FHIT: variants seen among roughly 807,000 people sequenced by gnomAD.
The protein encoded by FHIT is bis(5'-adenosyl)-triphosphatase.
In FHIT, 19 loss-of-function variants were observed where a neutral mutation model predicts 17.9. The observed-to-expected ratio is 1.06, with a 90% CI of 0.74 to 1.56. FHIT has a LOEUF of 1.56. FHIT is among the 40% of genes most tolerant of loss of function. The probability of loss-of-function intolerance (pLI) is 0.00; values close to 1 mark genes in which losing one functional copy is unlikely to be tolerated. For missense variants in FHIT, 248 were observed against 189.2 expected, an observed-to-expected ratio of 1.31 and a Z score of -1.82; for synonymous variants, 81 against 69.7, an observed-to-expected ratio of 1.16 and a Z score of -0.81.
At chr3:60,043,398 A>T (rs921859247) in intron 5 of FHIT, among the ~76,000 whole-genome samples, 1 of 152,212 alleles carries the variant, frequency 6.6e-6, no homozygotes, top group African/African-American at 2.4e-5. Flanking sequence ...TTTTTCTAGC[A>T]CCGTGCCAGG....
chr3:61,180,456 C>T (rs1020390135), intron 2 of FHIT, among the ~76,000 whole-genome samples: 2 of 152,138 alleles, frequency 1.3e-5, no homozygotes, highest in African/African-American at 4.8e-5. Flanking sequence ...TCCCTCTCAA[C>T]GATAAATTCA....
intron 5 of FHIT, among the ~76,000 whole-genome samples, chr3:60,302,671 A>G (rs992084619): frequency 2.6e-5 from 4 of 152,156 alleles, no homozygotes; most frequent in Non-Finnish European, 5.9e-5. Flanking sequence ...CGTATTCCCC[A>G]GTCTTCCAAC....
intron 5 of FHIT, among the ~76,000 whole-genome samples, chr3:60,433,698 G>A (rs1033790612): frequency 6.6e-6 from 1 of 152,004 alleles, no homozygotes; most frequent in Non-Finnish European, 1.5e-5. Context: ...TCATATACCT[G>A]TTGGCTATTA....
At chr3:60,464,074 G>GA (rs764855862) in intron 5 of FHIT, among the ~76,000 whole-genome samples, 3 of 152,054 alleles carry the variant, frequency 2.0e-5, no homozygotes, top group Admixed American at 6.6e-5. Flanking sequence ...GAAATCCTGT[G>GA]AAAAAACAGA....
chr3:60,412,293 A>G (rs1178279833), intron 5 of FHIT, among the ~76,000 whole-genome samples: 5 of 152,078 alleles, frequency 3.3e-5, no homozygotes, highest in Non-Finnish European at 5.9e-5. Flanking sequence ...AAGGTGGGGG[A>G]AAAGGCATGT....
chr3:60,786,033 G>A (rs962753319), intron 4 of FHIT, among the ~76,000 whole-genome samples: 1 of 152,046 alleles, frequency 6.6e-6, no homozygotes, highest in East Asian at 1.9e-4. Context: ...ATGTGTATAA[G>A]TTTTCTAACT....
chr3:60,476,667 A>T (rs1559946021), intron 5 of FHIT, among the ~76,000 whole-genome samples: 1 of 152,168 alleles, frequency 6.6e-6, no homozygotes, highest in Non-Finnish European at 1.5e-5. Context: ...GTCAAAGTTC[A>T]AGGGCCTAGG....
At chr3:60,689,092 C>T (rs529528766) in intron 4 of FHIT, among the ~76,000 whole-genome samples, 78 of 152,262 alleles carry the variant, frequency 5.1e-4, no homozygotes, top group African/African-American at 1.8e-3. Flanking sequence ...GAATAAGTCT[C>T]ACAAGATCTG....
intron 7 of FHIT, among the ~76,000 whole-genome samples, chr3:59,986,538 T>A (rs867254686): frequency 2.4e-3 from 27 of 11,056 alleles, no homozygotes; most frequent in South Asian, 4.5e-3. Context: ...TATATATATA[T>A]ATACACACAC....
intron 5 of FHIT, among the ~76,000 whole-genome samples, chr3:60,117,566 A>G (rs1705028781): frequency 6.6e-6 from 1 of 150,994 alleles, no homozygotes; most frequent in African/African-American, 2.4e-5. Flanking sequence ...GTTCTTAAGA[A>G]TTTAGGAGCT....
intron 2 of FHIT, among the ~76,000 whole-genome samples, chr3:61,100,346 T>A (rs2035778509): frequency 6.6e-6 from 1 of 152,196 alleles, no homozygotes; most frequent in African/African-American, 2.4e-5. Context: ...TTGCTGAGAA[T>A]GACGGTTTCC....
chr3:59,920,644 TTAGCAG>T (rs1368691829), intron 8 of FHIT, among the ~76,000 whole-genome samples: 5 of 152,244 alleles, frequency 3.3e-5, no homozygotes, highest in African/African-American at 1.2e-4. Flanking sequence ...TTATGCTACT[TTAGCAG>T]TATTTACTAG....
chr3:60,613,089 C>T (rs530268275), intron 4 of FHIT, among the ~76,000 whole-genome samples: 1 of 152,198 alleles, frequency 6.6e-6, no homozygotes, highest in Admixed American at 6.5e-5. Context: ...TAGGGGATTT[C>T]AAGCTTGAAA....
intron 8 of FHIT, among the ~76,000 whole-genome samples, chr3:59,776,567 C>T (rs760240174): frequency 2.6e-5 from 4 of 152,104 alleles, no homozygotes; most frequent in Admixed American, 1.3e-4. Context: ...AGAGACTCCT[C>T]GGGGTTTGAA....
chr3:60,955,615 T>TACATATATATAC (rs1559862343), intron 3 of FHIT, among the ~76,000 whole-genome samples: 6 of 12,396 alleles, frequency 4.8e-4, no homozygotes, highest in African/African-American at 6.9e-4. Context: ...TATATATATA[T>TACATATATATAC]ATATATATAT....
intron 5 of FHIT, among the ~76,000 whole-genome samples, chr3:60,017,226 C>T (rs546244434): frequency 3.3e-5 from 5 of 152,264 alleles, no homozygotes; most frequent in South Asian, 2.1e-4. Context: ...ACATGCTGAA[C>T]GCTTAAGAAA....
At chr3:60,314,020 C>T (rs1476967600) in intron 5 of FHIT, among the ~76,000 whole-genome samples, 1 of 152,204 alleles carries the variant, frequency 6.6e-6, no homozygotes, top group Non-Finnish European at 1.5e-5. Context: ...GCACACATTG[C>T]TTTCCCAAGC....
chr3:60,836,562 T>G (rs1193983652), intron 3 of FHIT, among the ~76,000 whole-genome samples: 1 of 152,174 alleles, frequency 6.6e-6, no homozygotes, highest in Non-Finnish European at 1.5e-5. Flanking sequence ...TGTGTAGAGT[T>G]GTTCATGGCA....
At chr3:59,785,210 A>G (rs1266901331) in intron 8 of FHIT, among the ~76,000 whole-genome samples, 2 of 152,070 alleles carry the variant, frequency 1.3e-5, no homozygotes, top group African/African-American at 4.8e-5. Context: ...ATTCGACATG[A>G]GATTTGGTGG....
Sources: allele counts gnomAD v4.1 joint callset (sites outside exome capture counted in the v4.1 genomes callset), GRCh38; gene constraint gnomAD v4.1.1; transcripts MANE v1.5; gene names NCBI Gene and HGNC (gene_info 2026-07-23, HGNC 2026-07-21).